PELI1: variants seen among roughly 807,000 people sequenced by gnomAD.
PELI1 encodes E3 ubiquitin-protein ligase pellino homolog 1.
PELI1 carries 15 observed loss-of-function variants against 41.3 expected under a neutral mutation model. That is an observed-to-expected ratio of 0.36 (90% CI 0.24 to 0.56). PELI1 has a LOEUF of 0.56. Ranked by LOEUF, PELI1 falls within the 20% of genes least tolerant of loss-of-function variation. The probability of loss-of-function intolerance (pLI) is 0.82; values close to 1 mark genes in which losing one functional copy is unlikely to be tolerated. For synonymous variants in PELI1, 178 were observed against 180.1 expected (o/e 0.99, Z 0.09); for missense variants, 403 against 525.5 (o/e 0.77, Z 2.28).
chr2:64,099,043 T>G (rs1680334541), intron 4 of PELI1, among the ~76,000 whole-genome samples: 1 of 152,122 alleles, frequency 6.6e-6, no homozygotes, highest in Non-Finnish European at 1.5e-5. Flanking sequence ...CCCAAGTAAC[T>G]CTATCATCTT....
chr2:64,112,456 A>G (rs1434317034), intron 1 of PELI1, among the ~76,000 whole-genome samples: 1 of 152,218 alleles, frequency 6.6e-6, no homozygotes, highest in Non-Finnish European at 1.5e-5. Context: ...TAGACAAGAA[A>G]CTAAAAAACA....
intron 1 of PELI1, among the ~76,000 whole-genome samples, chr2:64,110,868 G>A (rs1321449369): frequency 2.6e-5 from 4 of 152,010 alleles, no homozygotes; most frequent in South Asian, 2.1e-4. Flanking sequence ...AGAGGTTGCA[G>A]TGAACCCAGA....
intron 2 of PELI1, 114 bp from the exon 3 acceptor site, chr2:64,104,944 T>A: frequency 1.3e-6 from 1 of 787,282 alleles, no homozygotes; most frequent in Non-Finnish European, 1.9e-6. Flanking sequence ...ATTAACACAT[T>A]ATAATTATTT....
chr2:64,141,675 C>G (rs1329563030), intron 1 of PELI1, among the ~76,000 whole-genome samples: 1 of 152,156 alleles, frequency 6.6e-6, no homozygotes, highest in Non-Finnish European at 1.5e-5. Context: ...ATTCTGACAA[C>G]CCAGAAGAGG....
intron 4 of PELI1, among the ~76,000 whole-genome samples, chr2:64,100,033 T>C (rs752542226): frequency 1.8e-4 from 27 of 152,198 alleles, no homozygotes; most frequent in Non-Finnish European, 2.8e-4. Flanking sequence ...CTGTTTTCTT[T>C]TTTGGATAAT....
At chr2:64,135,947 T>C (rs1681703148) in intron 1 of PELI1, among the ~76,000 whole-genome samples, 1 of 152,238 alleles carries the variant, frequency 6.6e-6, no homozygotes, top group Non-Finnish European at 1.5e-5. Flanking sequence ...GTTCAGAGAA[T>C]TATCCATACT....
Position 64,110,287 on chromosome 2 carries a change from C to CAG in PELI1, c.-69-1910_-69-1909dup, listed in dbSNP as rs143337849. On this transcript the variant is annotated intron_variant, in intron 1 of 6. Coordinates refer to ENST00000358912, the MANE Select transcript of PELI1 (RefSeq NM_020651.4). Reference sequence around the variant, plus strand: ...AAAAAAAGAAAAAATATCCTGGAAGCAGAGAGAGAGAGAGAACACTGCATT... The same window carrying CAG: ...AAAAAAAGAAAAAATATCCTGGAAGCAGAGAGAGAGAGAGAGAACACTGCATT... Among the ~76,000 whole-genome samples the CAG allele has an allele frequency of 1.1e-3, 156 of 145,564 alleles. 1 individual carries two copies. Among genetic ancestry groups the CAG allele is most frequent in the African/African-American group, 3.7e-3 (147 of 39,582 alleles).
intron 1 of PELI1, among the ~76,000 whole-genome samples, chr2:64,119,801 C>T (rs1165281178): frequency 6.6e-6 from 1 of 152,054 alleles, no homozygotes; most frequent in Non-Finnish European, 1.5e-5. Flanking sequence ...CTATAAATGT[C>T]AGAAGTATAA....
At chr2:64,096,702 T>C (rs777562586) in intron 4 of PELI1, 92 bp from the exon 5 acceptor site, 8 of 791,096 alleles carry the variant, frequency 1.0e-5, no homozygotes, top group Non-Finnish European at 1.6e-5. Context: ...GAACATTAGG[T>C]CTCTGAAATT....
At chr2:64,119,989 T>C (rs1324990728) in intron 1 of PELI1, among the ~76,000 whole-genome samples, 1 of 152,220 alleles carries the variant, frequency 6.6e-6, no homozygotes, top group African/African-American at 2.4e-5. Flanking sequence ...GGTCTGGTTA[T>C]AAAATACTAT....
At chr2:64,121,258 C>T (rs1681199851) in intron 1 of PELI1, among the ~76,000 whole-genome samples, 2 of 152,104 alleles carry the variant, frequency 1.3e-5, no homozygotes, top group Admixed American at 6.6e-5. Flanking sequence ...CTCAAGAAGC[C>T]GGACATGACA....
chr2:64,124,100 CAGAA>C (rs1681309863), intron 1 of PELI1, among the ~76,000 whole-genome samples: 1 of 151,814 alleles, frequency 6.6e-6, no homozygotes, highest in Non-Finnish European at 1.5e-5. Flanking sequence ...AATCCAGAGA[CAGAA>C]AGAAAGTAGA....
chr2:64,096,744 G>A, intron 4 of PELI1, 134 bp from the exon 5 acceptor site: 2 of 605,230 alleles, frequency 3.3e-6, no homozygotes, highest in Non-Finnish European at 5.8e-6. Flanking sequence ...ACTTAACGCT[G>A]GGGGCATCTA....
At chr2:64,111,902 G>A (rs1680817501) in intron 1 of PELI1, among the ~76,000 whole-genome samples, 1 of 151,980 alleles carries the variant, frequency 6.6e-6, no homozygotes, top group Non-Finnish European at 1.5e-5. Flanking sequence ...GACAATTAAG[G>A]AACTGACATC....
chr2:64,120,913 C>T (rs1195200797), intron 1 of PELI1, among the ~76,000 whole-genome samples: 4 of 152,200 alleles, frequency 2.6e-5, no homozygotes, highest in African/African-American at 9.7e-5. Context: ...GAGAACATCA[C>T]TATAATAGTA....
intron 3 of PELI1, among the ~76,000 whole-genome samples, chr2:64,104,141 T>C (rs946247172): frequency 1.4e-4 from 21 of 152,248 alleles, no homozygotes; most frequent in African/African-American, 5.1e-4. Context: ...ATTGCCTTCA[T>C]AGCTTTGATT....
intron 1 of PELI1, among the ~76,000 whole-genome samples, chr2:64,113,170 C>A (rs1433180252): frequency 1.3e-5 from 2 of 151,598 alleles, no homozygotes; most frequent in Non-Finnish European, 2.9e-5. Context: ...AATGTCATGG[C>A]ATGCACCTAT....
At chr2:64,106,939 T>A (rs1397977858) in intron 2 of PELI1, among the ~76,000 whole-genome samples, 2 of 152,186 alleles carry the variant, frequency 1.3e-5, no homozygotes, top group African/African-American at 4.8e-5. Context: ...TTTTTCTCAT[T>A]TTTTTCGAGA....
chr2:64,098,457 C>T (rs1242422662), intron 4 of PELI1, among the ~76,000 whole-genome samples: 1 of 152,218 alleles, frequency 6.6e-6, no homozygotes, highest in East Asian at 1.9e-4. Flanking sequence ...CTGTGTACTA[C>T]TTCTTTGCTT....
Sources: gnomAD v4.1 joint callset for allele counts (sites outside exome capture counted in the v4.1 genomes callset) on GRCh38, gnomAD v4.1.1 for gene constraint, MANE v1.5 for transcripts, NCBI Gene and HGNC (gene_info 2026-07-23, HGNC 2026-07-21) for gene names.